CFAP74: variants seen among roughly 807,000 people sequenced by gnomAD.
The protein encoded by CFAP74 is cilia- and flagella-associated protein 74.
In CFAP74, 124 loss-of-function variants were observed where a neutral mutation model predicts 188.9. That is an observed-to-expected ratio of 0.66 (90% CI 0.57 to 0.76). The LOEUF is 0.76. Ranked by LOEUF, CFAP74 falls within the 30% of genes least tolerant of loss-of-function variation. CFAP74 has a pLI of 0.00. For synonymous variants in CFAP74, 956 were observed against 916.7 expected (o/e 1.04, Z -0.77); for missense variants, 2,198 against 2,165.2 (o/e 1.02, Z -0.30).
At chr1:1,940,940 A>G (rs1039723949) in intron 22 of CFAP74, among the ~76,000 whole-genome samples, 3 of 152,032 alleles carry the variant, frequency 2.0e-5, no homozygotes, top group Non-Finnish European at 2.9e-5. Context: ...GTGAAACCCC[A>G]TCTCTACTAA....
intron 17 of CFAP74, among the ~76,000 whole-genome samples, chr1:1,956,419 C>T (rs1654632173): frequency 6.6e-6 from 1 of 152,170 alleles, no homozygotes; most frequent in African/African-American, 2.4e-5. Context: ...CTGCTGCTGC[C>T]CCTGAGGCCA....
intron 26 of CFAP74, 62 bp from the exon 27 acceptor site, chr1:1,928,944 G>T: frequency 8.5e-7 from 1 of 1,170,238 alleles, no homozygotes; most frequent in Non-Finnish European, 1.2e-6. Context: ...CGGAGCCCCT[G>T]CGGGCACTCT....
At chr1:1,972,538 G>A (rs1376055140) in intron 8 of CFAP74, among the ~76,000 whole-genome samples, 1 of 152,232 alleles carries the variant, frequency 6.6e-6, no homozygotes, top group Non-Finnish European at 1.5e-5. Flanking sequence ...TGATGATAAG[G>A]TGGTGATTCA....
At position 1,966,209 on chromosome 1, in the gene CFAP74, C is replaced by CG. The variant is rs561145560; in HGVS notation, c.1401+161dup. 1.5e-3 allele frequency among the ~76,000 whole-genome samples: 227 copies of CG among 152,192 alleles called. 2 individuals carry two copies. Among genetic ancestry groups the CG allele is most frequent in the African/African-American group, 5.2e-3 (218 of 41,532 alleles). ...AAAGGCATGAGTGTGGAGAGGGAGGCGGGGGGCGTCCACACACAGGAGAGG... is the reference window on the plus strand; with the variant it reads ...AAAGGCATGAGTGTGGAGAGGGAGGCGGGGGGGCGTCCACACACAGGAGAGG... On this transcript the variant is annotated intron_variant, in intron 12 of 38. Transcript: ENST00000682832.
chr1:1,964,921 G>A lies in CFAP74; in HGVS notation c.1542C>T (p.Pro514=). Reference sequence around the variant, plus strand: ...GGAGGAGCTCCGGTTTGCTGTTGAAGGGGCGTCCTTGGAACTCACGCCCCC... The same window carrying A: ...GGAGGAGCTCCGGTTTGCTGTTGAAAGGGCGTCCTTGGAACTCACGCCCCC... The part of the protein sequence containing the change: ...VVWGREFQGR[P]FNSKPELLHF... The change falls in exon 13 of 39, where the codon CCC becomes CCT. Residue 514 remains proline, a synonymous_variant. Transcript: ENST00000682832. The A allele has an allele frequency of 6.2e-7, 1 of 1,613,862 alleles. No homozygotes were observed. The highest frequency in any genetic ancestry group is 8.5e-7 in the Non-Finnish European group (1 of 1,179,942).
chr1:1,935,427 TACAC>T (rs529568443), intron 25 of CFAP74, among the ~76,000 whole-genome samples: 1 of 96,098 alleles, frequency 1.0e-5, no homozygotes, highest in East Asian at 3.9e-4. Flanking sequence ...AGGTTGTAGG[TACAC>T]ACGTGTGTAC....
Position 1,926,444 on chromosome 1 carries a change from T to C in CFAP74, c.3828+13A>G. 6.5e-7 allele frequency: 1 copy of C among 1,550,130 alleles called. No individual in the cohort carries two copies. Among genetic ancestry groups the C allele is most frequent in the Non-Finnish European group, 8.7e-7 (1 of 1,146,860 alleles). The stretch of plus-strand genomic sequence containing the variant: ...CACCCCGCAGGCCGCCTGAGCTGGG[T>C]GGACAAGGACACGGCCAGATCCTCG... On this transcript the variant is annotated intron_variant, in intron 31 of 38. Coordinates refer to ENST00000682832, the MANE Select transcript of CFAP74 (RefSeq NM_001304360.2).
intron 6 of CFAP74, chr1:1,984,680 C>T (rs1473957818): frequency 6.5e-6 from 1 of 152,742 alleles, no homozygotes. Context: ...ACAGTGAGTG[C>T]AGGTCAGAGA....
intron 1 of CFAP74, among the ~76,000 whole-genome samples, chr1:2,000,120 T>C (rs572160332): frequency 1.1e-3 from 162 of 152,144 alleles, no homozygotes; most frequent in Non-Finnish European, 1.7e-3. Context: ...GCTGAGATCG[T>C]GCCACTGCAC....
chr1:1,990,979 C>T lies in CFAP74; in HGVS notation c.-19-4G>A, dbSNP rs1257435981. The T allele has an allele frequency of 1.3e-6, 2 of 1,572,706 alleles. No individual in the cohort carries two copies. The highest frequency in any genetic ancestry group is 1.8e-5 in the Admixed American group (1 of 54,708). On this transcript the variant is annotated splice_polypyrimidine_tract_variant and splice_region_variant and intron_variant, in intron 1 of 38. Coordinates refer to ENST00000682832, the MANE Select transcript of CFAP74 (RefSeq NM_001304360.2). ...CATGCTGGGAGATAGAAATTAGCTG[C>T]AAAAGATGATCGCAAAATATAGATC...
intron 8 of CFAP74, among the ~76,000 whole-genome samples, chr1:1,972,493 T>G (rs1656158358): frequency 6.6e-6 from 1 of 152,252 alleles, no homozygotes; most frequent in Admixed American, 6.5e-5. Flanking sequence ...AAAGAAACAG[T>G]ACCTCAGCAC....
At chr1:1,976,691 C>T (rs1656470218) in intron 6 of CFAP74, among the ~76,000 whole-genome samples, 2 of 152,228 alleles carry the variant, frequency 1.3e-5, no homozygotes, top group South Asian at 4.1e-4. Context: ...TACAGGCATG[C>T]ACCACCACGC....
rs1558007454 is a variant in CFAP74, at chr1:1,942,610, T to G, written c.2487-454A>C. On this transcript the variant is annotated intron_variant, in intron 21 of 38. Transcript: ENST00000682832. The surrounding 1 kb of genome is among the most constrained non-coding windows in gnomAD (Gnocchi z 4.3). ...CTGGGACGGCCACAGGCCTCGGTTA[T>G]GACAGCAGCCTCCAACCCAAGACGA... 6.6e-6 allele frequency among the ~76,000 whole-genome samples: 1 copy of G among 152,022 alleles called. No individual in the cohort carries two copies. Among genetic ancestry groups the G allele is most frequent in the Non-Finnish European group, 1.5e-5 (1 of 67,962 alleles).
intron 3 of CFAP74, 84 bp from the exon 4 acceptor site, chr1:1,988,739 C>T (rs1657392758): frequency 1.3e-6 from 2 of 1,544,528 alleles, no homozygotes; most frequent in Non-Finnish European, 1.8e-6. Flanking sequence ...GGGGTAGGTG[C>T]CTGACAGTTC....
chr1:1,960,282 G>C (rs766555489), intron 14 of CFAP74, among the ~76,000 whole-genome samples: 3 of 152,284 alleles, frequency 2.0e-5, no homozygotes, highest in Non-Finnish European at 4.4e-5. Context: ...CACTGAAGGC[G>C]TGAGGCAAGT....
At position 1,930,099 on chromosome 1, in the gene CFAP74, G is replaced by T. The variant is rs1570827847; in HGVS notation, c.3249C>A (p.Ile1083=). The T allele has an allele frequency of 6.5e-7, 1 of 1,534,156 alleles. No individual in the cohort carries two copies. The highest frequency in any genetic ancestry group is 2.4e-5 in the East Asian group (1 of 40,858). The change falls in exon 26 of 39, where the codon ATC becomes ATA. Residue 1083 remains isoleucine, a synonymous_variant. Transcript: ENST00000682832. ...CGGTCCCCACTGAGGGCGAGATGGT[G>T]ATAGGCGAGTCTGGGGGCAGCAGGA... ...FEFLLPPDSP[I]TISPSVGTVW...
At position 1,973,987 on chromosome 1, in the gene CFAP74, G is replaced by T. The variant is rs1656264937; in HGVS notation, c.674+38C>A. ...GAGGGCGGAGGGGCTGGCAGAAGCT[G>T]CTGGGAAGGGATGGAGGTGGGCCTG... On this transcript the variant is annotated intron_variant, in intron 7 of 38. Transcript: ENST00000682832. The surrounding 1 kb of genome is among the most constrained non-coding windows in gnomAD (Gnocchi z 6.2). 4 of 1,491,094 alleles carry T rather than the reference G, an allele frequency of 2.7e-6. No individual in the cohort carries two copies. The highest frequency in any genetic ancestry group is 3.6e-6 in the Non-Finnish European group (4 of 1,114,610). The allele number at this position is 1,491,094 out of a possible 1,614,324, so 92.4% of individuals were successfully genotyped here. A position where few individuals can be genotyped will look rare whatever the true frequency, so the allele number is the denominator to read the frequency against.
chr1:1,974,122 C>T lies in CFAP74; in HGVS notation c.577G>A (p.Ala193Thr). The part of the protein sequence containing the change: ...FRTADREEVE[A>T]TGRRLQVRAA... ...CGCACCTGGAGCCGCCGCCCCGTGG[C>T]CTCCACCTCCTCACGGTCAGCTGTC... The change falls in exon 7 of 39, where the codon GCC becomes ACC. Residue 193 changes from alanine to threonine, a missense_variant. Transcript: ENST00000682832. The T allele has an allele frequency of 6.2e-7, 1 of 1,612,674 alleles. No individual in the cohort carries two copies. Among genetic ancestry groups the T allele is most frequent in the South Asian group, 1.1e-5 (1 of 90,930 alleles).
chr1:1,974,790 C>T lies in CFAP74; in HGVS notation c.501-592G>A, dbSNP rs557120700. Among the ~76,000 whole-genome samples, 4 of 152,372 alleles carry T rather than the reference C, an allele frequency of 2.6e-5. No homozygotes were observed. In the South Asian group the frequency reaches 8.3e-4, roughly 32 times the overall value. ...CAGTGCCCCTTGGTTCTTGGCACAA[C>T]TCAGGGAAATTTCCGGTGAATCTTT... is the stretch of plus-strand genomic sequence containing the variant. On this transcript the variant is annotated intron_variant, in intron 6 of 38. Coordinates refer to ENST00000682832, the MANE Select transcript of CFAP74 (RefSeq NM_001304360.2).
Sources: allele counts gnomAD v4.1 joint callset (sites outside exome capture counted in the v4.1 genomes callset), GRCh38; gene constraint gnomAD v4.1.1; non-coding constraint Gnocchi (gnomAD v3.1); transcripts MANE v1.5; gene names NCBI Gene and HGNC (gene_info 2026-07-23, HGNC 2026-07-21).